The following CADPS variants were observed in gnomAD, a reference collection of about 807,000 sequenced individuals.
The protein encoded by CADPS is calcium-dependent secretion activator 1.
In CADPS, 57 loss-of-function variants were observed where a neutral mutation model predicts 167.3. The ratio of observed to expected loss-of-function variants is 0.34; its 90% CI spans 0.28 to 0.42. CADPS has a LOEUF of 0.42. Among genes scored for constraint, CADPS ranks in the 20% least tolerant of loss-of-function variants. CADPS has a pLI of 1.00. For missense variants in CADPS, 1,414 were observed against 1,738.1 expected, an observed-to-expected ratio of 0.81 and a Z score of 3.32; for synonymous variants, 676 against 635.3, an observed-to-expected ratio of 1.06 and a Z score of -0.96.
At chr3:62,630,115 G>C (rs2065007866) in intron 6 of CADPS, among the ~76,000 whole-genome samples, 1 of 152,098 alleles carries the variant, frequency 6.6e-6, no homozygotes, top group Non-Finnish European at 1.5e-5. Context: ...GACTGTGTCT[G>C]TCTTGCTAAT....
Position 62,409,349 on chromosome 3 carries a change from A to T in CADPS, c.3778-6164T>A, listed in dbSNP as rs374462228. Among the ~76,000 whole-genome samples, 16 of 152,374 alleles carry T rather than the reference A, an allele frequency of 1.1e-4. No homozygotes were observed. In the Middle Eastern group the frequency reaches 0.014, roughly 130 times the overall value. The stretch of plus-strand genomic sequence containing the variant: ...TCATTCAGCTTTGAAGTTCTCAAAG[A>T]AGTGTGTGGGTAGGACAACGCTGTT... On this transcript the variant is annotated intron_variant, in intron 28 of 29. Coordinates refer to ENST00000383710, the MANE Select transcript of CADPS (RefSeq NM_003716.4).
chr3:62,861,850 C>T (rs2080860153), intron 1 of CADPS, among the ~76,000 whole-genome samples: 1 of 152,166 alleles, frequency 6.6e-6, no homozygotes, highest in Admixed American at 6.5e-5. Flanking sequence ...GTTCATATGT[C>T]CTCAAACTTG....
intron 3 of CADPS, among the ~76,000 whole-genome samples, chr3:62,667,517 C>T (rs2074683367): frequency 6.6e-6 from 1 of 151,884 alleles, no homozygotes; most frequent in Admixed American, 6.6e-5. Context: ...CTGGTATTTC[C>T]CAAAGTTATA....
intron 6 of CADPS, among the ~76,000 whole-genome samples, chr3:62,600,227 C>A (rs571755901): frequency 1.3e-4 from 19 of 151,156 alleles, no homozygotes; most frequent in Non-Finnish European, 2.5e-4. Flanking sequence ...GGATACTCAG[C>A]ATGCAACAGC....
chr3:62,760,717 A>G (rs1273227377), intron 2 of CADPS, among the ~76,000 whole-genome samples: 1 of 152,188 alleles, frequency 6.6e-6, no homozygotes, highest in Admixed American at 6.5e-5. Flanking sequence ...AGTTGTAGCC[A>G]TTCTACTTAT....
intron 11 of CADPS, among the ~76,000 whole-genome samples, chr3:62,538,201 G>T (rs1384761196): frequency 1.3e-5 from 2 of 152,068 alleles, no homozygotes; most frequent in Non-Finnish European, 2.9e-5. Flanking sequence ...CATCTAGGAG[G>T]CTTCTTTCAG....
intron 6 of CADPS, among the ~76,000 whole-genome samples, chr3:62,596,148 C>A (rs144933794): frequency 7.0e-6 from 1 of 142,374 alleles, no homozygotes; most frequent in African/African-American, 2.6e-5. Flanking sequence ...CACACATATC[C>A]TATTAGTTTT....
intron 3 of CADPS, among the ~76,000 whole-genome samples, chr3:62,749,803 T>C (rs2082293358): frequency 6.6e-6 from 1 of 152,174 alleles, no homozygotes; most frequent in Non-Finnish European, 1.5e-5. Flanking sequence ...TGAAAGCTGC[T>C]GTGGTCAGTC....
At chr3:62,693,941 T>C (rs1459733568) in intron 3 of CADPS, among the ~76,000 whole-genome samples, 3 of 152,112 alleles carry the variant, frequency 2.0e-5, no homozygotes, top group Non-Finnish European at 2.9e-5. Flanking sequence ...GCATGAAGGC[T>C]CACCAAAGGA....
At chr3:62,865,367 C>T (rs2081491001) in intron 1 of CADPS, among the ~76,000 whole-genome samples, 1 of 146,382 alleles carries the variant, frequency 6.8e-6, no homozygotes, top group African/African-American at 2.5e-5. Context: ...AGCATGTGCT[C>T]CTGGAACACT....
At chr3:62,459,220 C>T (rs2059050893) in intron 26 of CADPS, among the ~76,000 whole-genome samples, 1 of 152,208 alleles carries the variant, frequency 6.6e-6, no homozygotes, top group Non-Finnish European at 1.5e-5. Flanking sequence ...TAAATGGTGG[C>T]TTCCATTGGA....
intron 8 of CADPS, among the ~76,000 whole-genome samples, chr3:62,575,773 C>G (rs1049956977): frequency 6.6e-6 from 1 of 152,168 alleles, no homozygotes; most frequent in African/African-American, 2.4e-5. Flanking sequence ...AGTCACGATT[C>G]TAATTGAACA....
At chr3:62,805,669 C>T (rs934030659) in intron 1 of CADPS, among the ~76,000 whole-genome samples, 3 of 152,122 alleles carry the variant, frequency 2.0e-5, no homozygotes, top group Admixed American at 6.6e-5. Flanking sequence ...ATTTTACTTC[C>T]CTAGATCCAT....
intron 2 of CADPS, among the ~76,000 whole-genome samples, chr3:62,760,700 A>G (rs1238418777): frequency 6.6e-6 from 1 of 152,184 alleles, no homozygotes; most frequent in Non-Finnish European, 1.5e-5. Flanking sequence ...CTCAGGTACC[A>G]TGGAATAGTT....
chr3:62,479,980 T>C (rs2061787143), intron 22 of CADPS, among the ~76,000 whole-genome samples: 1 of 152,192 alleles, frequency 6.6e-6, no homozygotes, highest in African/African-American at 2.4e-5. Context: ...TAAGTACATA[T>C]GAATGCAATA....
intron 3 of CADPS, among the ~76,000 whole-genome samples, chr3:62,752,528 G>T (rs893842000): frequency 6.6e-6 from 1 of 152,094 alleles, no homozygotes; most frequent in Non-Finnish European, 1.5e-5. Context: ...TTATTAATTC[G>T]ATAAACATTT....
At chr3:62,444,213 T>C (rs1383469875) in intron 27 of CADPS, among the ~76,000 whole-genome samples, 2 of 152,180 alleles carry the variant, frequency 1.3e-5, no homozygotes, top group Non-Finnish European at 2.9e-5. Flanking sequence ...AAGCCGAGAA[T>C]TTCAATTTCT....
intron 1 of CADPS, among the ~76,000 whole-genome samples, chr3:62,806,211 G>T (rs1047402144): frequency 5.9e-5 from 9 of 152,056 alleles, no homozygotes; most frequent in Non-Finnish European, 7.4e-5. Context: ...GAGACAAATT[G>T]TTCAGACCAA....
intron 1 of CADPS, among the ~76,000 whole-genome samples, chr3:62,788,181 C>T (rs1000326155): frequency 1.1e-4 from 17 of 152,164 alleles, no homozygotes; most frequent in African/African-American, 3.9e-4. Context: ...GCAGTGAATG[C>T]AATACCTTTT....
Sources: gnomAD v4.1 joint callset for allele counts (sites outside exome capture counted in the v4.1 genomes callset) on GRCh38, gnomAD v4.1.1 for gene constraint, MANE v1.5 for transcripts, NCBI Gene and HGNC (gene_info 2026-07-23, HGNC 2026-07-21) for gene names.